The following PRKG1 variants were observed in gnomAD, a reference collection of about 807,000 sequenced individuals.
PRKG1 encodes protein kinase cGMP-dependent 1.
PRKG1 carries 35 observed loss-of-function variants against 88.1 expected under a neutral mutation model. The observed-to-expected ratio is 0.40, with a 90% CI of 0.30 to 0.53. The LOEUF (loss-of-function observed/expected upper bound fraction) is 0.53, where lower values mean the gene tolerates loss of function less well. PRKG1 is among the 20% of genes least tolerant of loss of function. The pLI, the probability that PRKG1 is intolerant of heterozygous loss-of-function variation, is 0.59. For missense variants in PRKG1, 540 were observed against 839.8 expected, an observed-to-expected ratio of 0.64 and a Z score of 4.41; for synonymous variants, 303 against 292.5, an observed-to-expected ratio of 1.04 and a Z score of -0.37.
chr10:52,276,444 C>T (rs1841876432), intron 12 of PRKG1, among the ~76,000 whole-genome samples: 1 of 152,116 alleles, frequency 6.6e-6, no homozygotes, highest in South Asian at 2.1e-4. Flanking sequence ...ATGCTTAGCT[C>T]CTGTTACATT....
intron 9 of PRKG1, among the ~76,000 whole-genome samples, chr10:52,169,512 C>T (rs1057508929): frequency 6.6e-6 from 1 of 152,132 alleles, no homozygotes; most frequent in Non-Finnish European, 1.5e-5. Flanking sequence ...GGCACCATCA[C>T]GATGGGGATT....
intron 3 of PRKG1, among the ~76,000 whole-genome samples, chr10:51,477,409 T>C (rs892328111): frequency 6.6e-6 from 1 of 151,484 alleles, no homozygotes; most frequent in African/African-American, 2.4e-5. Context: ...AGATAGAAAC[T>C]GACCTGTGCC....
At chr10:51,499,646 C>T (rs1186151657) in intron 3 of PRKG1, among the ~76,000 whole-genome samples, 1 of 152,054 alleles carries the variant, frequency 6.6e-6, no homozygotes, top group Non-Finnish European at 1.5e-5. Context: ...TTTGGTAGTA[C>T]ACATCACTGT....
chr10:51,305,533 A>T (rs1280176813), intron 2 of PRKG1, among the ~76,000 whole-genome samples: 1 of 152,132 alleles, frequency 6.6e-6, no homozygotes, highest in Non-Finnish European at 1.5e-5. Context: ...AAAATCCTCA[A>T]AAACAAAAAC....
intron 9 of PRKG1, among the ~76,000 whole-genome samples, chr10:52,173,504 A>G (rs180796984): frequency 1.2e-3 from 187 of 152,298 alleles, no homozygotes; most frequent in Admixed American, 2.4e-3. Context: ...GGTAGCATAA[A>G]TTGTTTTGAT....
At chr10:51,911,283 A>T (rs979250270) in intron 5 of PRKG1, 5 of 151,692 alleles carry the variant, frequency 3.3e-5, no homozygotes, top group Non-Finnish European at 7.4e-5. Context: ...TTTTAAATCA[A>T]ACTAAAGCAC....
At chr10:51,623,692 G>C (rs1257737930) in intron 3 of PRKG1, among the ~76,000 whole-genome samples, 3 of 152,146 alleles carry the variant, frequency 2.0e-5, no homozygotes, top group African/African-American at 7.2e-5. Context: ...AAAGTCGATG[G>C]AGTAGACAAG....
chr10:51,523,308 G>A (rs970306601), intron 3 of PRKG1, among the ~76,000 whole-genome samples: 8 of 152,078 alleles, frequency 5.3e-5, no homozygotes, highest in African/African-American at 1.2e-4. Flanking sequence ...CCATGAGAAC[G>A]GTAATAAGAT....
chr10:51,236,076 G>A (rs1025235156), intron 2 of PRKG1, among the ~76,000 whole-genome samples: 4 of 152,136 alleles, frequency 2.6e-5, no homozygotes, highest in Non-Finnish European at 5.9e-5. Flanking sequence ...TGGTACTGAT[G>A]CTCTTTGAGA....
intron 3 of PRKG1, among the ~76,000 whole-genome samples, chr10:51,730,093 C>G (rs1842236788): frequency 6.6e-6 from 1 of 152,164 alleles, no homozygotes; most frequent in African/African-American, 2.4e-5. Context: ...ACTAGAGTCT[C>G]TTTTTAAAAA....
At position 51,457,485 on chromosome 10, in the gene PRKG1, C is replaced by T. The variant is rs114433698; in HGVS notation, c.479-10238C>T. ...CATATTGGATGCAGTGTACGCTGCT[C>T]AGGTGATGGGTGAACCAAAATCTCA... On this transcript the variant is annotated intron_variant, in intron 2 of 17. Transcript: ENST00000373980. Among the ~76,000 whole-genome samples, 181 of 152,236 alleles carry T rather than the reference C, an allele frequency of 1.2e-3. 1 individual carries two copies. Among genetic ancestry groups the T allele is most frequent in the African/African-American group, 4.2e-3 (173 of 41,534 alleles).
At chr10:52,244,921 TA>T (rs1840983995) in intron 9 of PRKG1, among the ~76,000 whole-genome samples, 1 of 144,398 alleles carries the variant, frequency 6.9e-6, no homozygotes, top group African/African-American at 2.5e-5. Flanking sequence ...AATATATATA[TA>T]TTTAAATATA....
chr10:51,131,041 T>C (rs1845554620), intron 1 of PRKG1, among the ~76,000 whole-genome samples: 1 of 152,244 alleles, frequency 6.6e-6, no homozygotes, highest in Non-Finnish European at 1.5e-5. Flanking sequence ...ATATTTATTA[T>C]ATGCCATATT....
intron 3 of PRKG1, among the ~76,000 whole-genome samples, chr10:51,657,830 G>A (rs1050031221): frequency 6.6e-6 from 1 of 152,070 alleles, no homozygotes; most frequent in Admixed American, 6.6e-5. Context: ...TTAGCAGACG[G>A]GACTGTTCTG....
chr10:51,842,367 TATC>T (rs1460624687), intron 4 of PRKG1, among the ~76,000 whole-genome samples: 4 of 152,212 alleles, frequency 2.6e-5, no homozygotes, highest in Non-Finnish European at 5.9e-5. Context: ...TTCTCTGAGA[TATC>T]ATCCAACTTG....
chr10:51,565,893 T>A (rs1564552422), intron 3 of PRKG1, among the ~76,000 whole-genome samples: 1 of 152,088 alleles, frequency 6.6e-6, no homozygotes, highest in African/African-American at 2.4e-5. Flanking sequence ...AAATACGCAA[T>A]AATGAAGTTG....
chr10:51,974,634 C>CT (rs1265448559), intron 5 of PRKG1, among the ~76,000 whole-genome samples: 1 of 152,100 alleles, frequency 6.6e-6, no homozygotes, highest in Non-Finnish European at 1.5e-5. Context: ...CTAAAGACCC[C>CT]TAATTACTTT....
chr10:51,763,002 T>C (rs1162352138), intron 3 of PRKG1, among the ~76,000 whole-genome samples: 1 of 152,216 alleles, frequency 6.6e-6, no homozygotes, highest in East Asian at 1.9e-4. Flanking sequence ...TATTTTACTT[T>C]AGTTAAATTA....
chr10:52,119,968 AGAGACAGAGAGGGAAAGT>A (rs1847779068), intron 7 of PRKG1, among the ~76,000 whole-genome samples: 1 of 151,424 alleles, frequency 6.6e-6, no homozygotes, highest in Admixed American at 6.6e-5. Context: ...AGAGACAGAG[AGAGACAGAGAGGGAAAGT>A]GAGACAGAGA....
Sources: gnomAD v4.1 joint callset for allele counts (sites outside exome capture counted in the v4.1 genomes callset) on GRCh38, gnomAD v4.1.1 for gene constraint, MANE v1.5 for transcripts, NCBI Gene and HGNC (gene_info 2026-07-23, HGNC 2026-07-21) for gene names.